CDH5: variants seen among roughly 807,000 people sequenced by gnomAD.
CDH5 encodes cadherin-5.
In CDH5, 28 loss-of-function variants were observed where a neutral mutation model predicts 62.0. The ratio of observed to expected loss-of-function variants is 0.45; its 90% CI spans 0.33 to 0.62. The LOEUF (loss-of-function observed/expected upper bound fraction) is 0.62. CDH5 is among the 20% of genes least tolerant of loss of function. The pLI, the probability that CDH5 is intolerant of heterozygous loss-of-function variation, is 0.02. For missense variants in CDH5, 940 were observed against 1,065.1 expected (o/e 0.88, Z 1.63); for synonymous variants, 464 against 445.8 (o/e 1.04, Z -0.52).
chr16:66,372,647 G>A (rs1178217870), intron 1 of CDH5, among the ~76,000 whole-genome samples: 5 of 152,196 alleles, frequency 3.3e-5, no homozygotes, highest in East Asian at 1.9e-4. Flanking sequence ...TGGCCTAGGT[G>A]TCTAGGTTCT....
intron 1 of CDH5, among the ~76,000 whole-genome samples, chr16:66,372,707 C>T (rs963708105): frequency 3.3e-5 from 5 of 152,158 alleles, no homozygotes; most frequent in Non-Finnish European, 7.4e-5. Context: ...CCCCAGAGGC[C>T]TCTGCGGTCC....
rs144972476 is a variant in CDH5 at position 66,379,370 on chromosome 16, G to A, written c.33G>A (p.Ser11=). 3.2e-4 allele frequency: 519 copies of A among 1,613,106 alleles called. 2 individuals carry two copies. In the African/African-American group the frequency reaches 6.1e-3, roughly 19 times the overall value. The part of the protein sequence containing the change: MQRLMMLLAT[S]GACLGLLAVA... Reference sequence around the variant, plus strand: ...GGCTCATGATGCTCCTCGCCACATCGGGCGCCTGCCTGGGCCTGCTGGCAG... The same window carrying A: ...GGCTCATGATGCTCCTCGCCACATCAGGCGCCTGCCTGGGCCTGCTGGCAG... The change falls in exon 2 of 12, where the codon TCG becomes TCA. Residue 11 remains serine (S), a synonymous_variant. Transcript: ENST00000341529.
At chr16:66,388,175 G>T in intron 3 of CDH5, 149 bp from the exon 4 acceptor site, 1 of 608,760 alleles carries the variant, frequency 1.6e-6, no homozygotes. Flanking sequence ...CCCCATGCAG[G>T]CTCCTCAGAA....
In CDH5 at chr16:66,402,641, C is replaced by A; in HGVS notation, c.1838-11C>A. On this transcript the variant is annotated splice_polypyrimidine_tract_variant and intron_variant, in intron 11 of 11. Coordinates refer to ENST00000341529, the MANE Select transcript of CDH5 (RefSeq NM_001795.5). Reference sequence around the variant, plus strand: ...CTTGTCTGACTCTGCTGCTCGGCTCCCTGGCTGCAGTGATCACCCTGCTCA... The same window carrying A: ...CTTGTCTGACTCTGCTGCTCGGCTCACTGGCTGCAGTGATCACCCTGCTCA... The A allele has an allele frequency of 6.4e-7, 1 of 1,561,844 alleles. No homozygotes were observed. Among genetic ancestry groups the A allele is most frequent in the Non-Finnish European group, 8.6e-7 (1 of 1,156,532 alleles).
chr16:66,398,233 A>G, intron 9 of CDH5, 127 bp downstream of exon 9: 1 of 1,143,146 alleles, frequency 8.7e-7, no homozygotes, highest in Non-Finnish European at 1.3e-6. Flanking sequence ...CATTATGCCC[A>G]TTTTACAGAT....
intron 2 of CDH5, 72 bp downstream of exon 2, chr16:66,379,619 G>A: frequency 7.6e-7 from 1 of 1,317,156 alleles, no homozygotes; most frequent in Non-Finnish European, 1.1e-6. Context: ...GGTGGTGATG[G>A]CGATGGTGGC....
intron 2 of CDH5, among the ~76,000 whole-genome samples, chr16:66,383,921 C>A (rs963443685): frequency 6.6e-6 from 1 of 152,064 alleles, no homozygotes; most frequent in Non-Finnish European, 1.5e-5. Context: ...ACCCTATCAA[C>A]CCCTGTCAGT....
At chr16:66,402,551 G>A in intron 11 of CDH5, 101 bp from the exon 12 acceptor site, 1 of 1,020,874 alleles carries the variant, frequency 9.8e-7, no homozygotes, top group Non-Finnish European at 1.4e-6. Context: ...TGCTGGGAGG[G>A]CGTGGGGGTG....
intron 2 of CDH5, among the ~76,000 whole-genome samples, chr16:66,381,925 T>C (rs1470446878): frequency 6.6e-6 from 1 of 152,222 alleles, no homozygotes; most frequent in African/African-American, 2.4e-5. Flanking sequence ...AGAAACAGTT[T>C]ACCCATCCTG....
In CDH5 at chr16:66,403,317, G is replaced by A; in HGVS notation, c.*148G>A. The A allele has an allele frequency of 3.0e-6, 2 of 656,004 alleles. No homozygotes were observed. Among genetic ancestry groups the A allele is most frequent in the Non-Finnish European group, 2.6e-6 (1 of 387,226 alleles). The allele number at this position is 656,004 out of a possible 1,614,324, so 40.6% of individuals were successfully genotyped here. On this transcript the variant is annotated 3_prime_UTR_variant, in exon 12 of 12. Transcript: ENST00000341529. The surrounding 1 kb of genome is among the most constrained non-coding windows in gnomAD (Gnocchi z 4.3). ...GTCCCAGAGACCTCATCAGCCTTGG[G>A]ATAGCAAACTCCAGGTTCCTGAAAT...
At chr16:66,368,897 G>A (rs1435104716) in intron 1 of CDH5, among the ~76,000 whole-genome samples, 1 of 152,222 alleles carries the variant, frequency 6.6e-6, no homozygotes, top group Non-Finnish European at 1.5e-5. Context: ...GAATGTTCTA[G>A]GAGGCAGGGC....
At chr16:66,399,205 C>T (rs907198118) in intron 10 of CDH5, among the ~76,000 whole-genome samples, 14 of 152,296 alleles carry the variant, frequency 9.2e-5, no homozygotes, top group South Asian at 2.1e-4. Context: ...CAGGGTGGCC[C>T]GTGTGATGGC....
chr16:66,392,574 C>T, intron 7 of CDH5, 191 bp downstream of exon 7: 2 of 674,674 alleles, frequency 3.0e-6, no homozygotes, highest in South Asian at 3.9e-5. Context: ...TGCCTGGACT[C>T]CCCCACCTAG....
At chr16:66,368,046 G>A (rs1960619306) in intron 1 of CDH5, among the ~76,000 whole-genome samples, 1 of 152,192 alleles carries the variant, frequency 6.6e-6, no homozygotes, top group African/African-American at 2.4e-5. Context: ...GGGTGCAAGT[G>A]AGAGGACATC....
chr16:66,369,932 C>T (rs371171106), intron 1 of CDH5, among the ~76,000 whole-genome samples: 14 of 152,314 alleles, frequency 9.2e-5, no homozygotes, highest in African/African-American at 3.1e-4. Context: ...CCAGCCCTGT[C>T]TTAAGAGGTG....
chr16:66,401,128 C>A, intron 11 of CDH5, 112 bp downstream of exon 11: 2 of 1,398,818 alleles, frequency 1.4e-6, no homozygotes, highest in African/African-American at 1.4e-5. Flanking sequence ...CAGGCCCAAC[C>A]CTGCCTCCAA....
intron 1 of CDH5, among the ~76,000 whole-genome samples, chr16:66,370,576 C>T (rs1960668915): frequency 6.6e-6 from 1 of 152,174 alleles, no homozygotes; most frequent in East Asian, 1.9e-4. Context: ...ACAGGCAGCA[C>T]GTCCAGGTCT....
rs1442149044 is a variant in CDH5, at chr16:66,400,724, A to G, written c.1592-47A>G. 4.3e-6 allele frequency: 7 copies of G among 1,613,498 alleles called. No homozygotes were observed. In the East Asian group the frequency reaches 1.6e-4, roughly 36 times the overall value. On this transcript the variant is annotated intron_variant, in intron 10 of 11. Coordinates refer to ENST00000341529, the MANE Select transcript of CDH5 (RefSeq NM_001795.5). ...CTTCCTGGAGGAGCCAGGTTTCCCC[A>G]TCTGTGCAGATGGCAAAGCCTGACT... is the stretch of plus-strand genomic sequence containing the variant.
At chr16:66,371,362 C>G (rs899861104) in intron 1 of CDH5, among the ~76,000 whole-genome samples, 6 of 152,136 alleles carry the variant, frequency 3.9e-5, no homozygotes, top group African/African-American at 7.2e-5. Context: ...CCTGCATGTT[C>G]TAGGCCGGCT....
Sources: gnomAD v4.1 joint callset for allele counts (sites outside exome capture counted in the v4.1 genomes callset) on GRCh38, gnomAD v4.1.1 for gene constraint, Gnocchi (gnomAD v3.1) non-coding constraint, MANE v1.5 for transcripts, NCBI Gene and HGNC (gene_info 2026-07-23, HGNC 2026-07-21) for gene names.